The following WNK3 variants were observed in gnomAD, a reference collection of about 807,000 sequenced individuals.
WNK3 encodes the protein serine/threonine-protein kinase WNK3.
In WNK3, 18 loss-of-function variants were observed where a neutral mutation model predicts 116.7. The observed-to-expected ratio is 0.15, with a 90% CI of 0.11 to 0.23. The LOEUF (loss-of-function observed/expected upper bound fraction) is 0.23. WNK3 is among the 10% of genes least tolerant of loss of function. The pLI is 1.00. For missense variants in WNK3, 993 were observed against 1,323.8 expected, an observed-to-expected ratio of 0.75 and a Z score of 3.88; for synonymous variants, 404 against 469.4, an observed-to-expected ratio of 0.86 and a Z score of 1.80.
At chrX:54,285,434 G>C (rs1453414313) in intron 10 of WNK3, among the ~76,000 whole-genome samples, 1 of 111,678 alleles carries the variant, frequency 9.0e-6, no homozygotes, top group African/African-American at 3.3e-5. Flanking sequence ...AATCAACAGC[G>C]ATTGACTCTA....
intron 15 of WNK3, among the ~76,000 whole-genome samples, chrX:54,250,333 G>A (rs782516698): frequency 2.7e-5 from 3 of 111,316 alleles, no homozygotes; most frequent in Admixed American, 1.9e-4. Flanking sequence ...CTTTAGAGAA[G>A]GATTTTAGAT....
Position 54,241,085 on chromosome X carries a change from C to G in WNK3, c.3652-1986G>C, listed in dbSNP as rs148378773. Among the ~76,000 whole-genome samples the G allele has an allele frequency of 7.3e-3, 814 of 111,376 alleles. 10 individuals are homozygous for G. The highest frequency in any genetic ancestry group is 0.026 in the African/African-American group (797 of 30,682). On this transcript the variant is annotated intron_variant, in intron 17 of 23. Transcript: ENST00000354646. ...AAGCAAAGGGCAGCAGAGGCATGCGCCCCCAAATAAGAGCAGTAAGAGGAA... is the reference window on the plus strand; with the variant it reads ...AAGCAAAGGGCAGCAGAGGCATGCGGCCCCAAATAAGAGCAGTAAGAGGAA...
chrX:54,313,822 T>C (rs1557170161), intron 2 of WNK3, among the ~76,000 whole-genome samples: 1 of 111,907 alleles, frequency 8.9e-6, no homozygotes, highest in East Asian at 2.8e-4. Flanking sequence ...CTTCGTAAAC[T>C]ATGAAGTATA....
intron 22 of WNK3, among the ~76,000 whole-genome samples, chrX:54,216,060 T>TA (rs1266202265): frequency 1.8e-5 from 2 of 110,099 alleles, no homozygotes. Context: ...TGTGCTTTGT[T>TA]AAACAGATGC....
intron 1 of WNK3, among the ~76,000 whole-genome samples, chrX:54,350,222 A>G (rs1425791931): frequency 1.8e-5 from 2 of 111,220 alleles, no homozygotes; most frequent in Non-Finnish European, 3.8e-5. Flanking sequence ...ATCCTGGCTA[A>G]CATGGTGAAA....
rs1192553503 is a variant in WNK3, at chrX:54,206,032, C to A, written c.4871-3839G>T. On this transcript the variant is annotated intron_variant, in intron 22 of 23. Coordinates refer to ENST00000354646, the Ensembl canonical transcript of WNK3. ...CATTATTTCTATCTCTTATCCTATA[C>A]CTTGATTTCTCTCTTCAATCACAAT... is the stretch of plus-strand genomic sequence containing the variant. 2.7e-5 allele frequency among the ~76,000 whole-genome samples: 3 copies of A among 111,840 alleles called. No homozygotes were observed. In the Admixed American group the frequency reaches 2.9e-4, roughly 11 times the overall value.
chrX:54,281,823 T>C (rs2068519525), intron 10 of WNK3, among the ~76,000 whole-genome samples: 1 of 111,059 alleles, frequency 9.0e-6, no homozygotes, highest in Admixed American at 9.6e-5. Context: ...TACATGTATG[T>C]ATATGCACAC....
chrX:54,292,873 T>C lies in WNK3; in HGVS notation c.2037+15A>G. On this transcript the variant is annotated intron_variant, in intron 10 of 23. Transcript: ENST00000354646. ...TTTGTTTAAATGAATACAGAACCTC[T>C]AAAATGTGTCTTACCTTTATCTGTG... 5.0e-6 allele frequency: 6 copies of C among 1,203,709 alleles called. No homozygotes were observed. Among genetic ancestry groups the C allele is most frequent in the Non-Finnish European group, 6.7e-6 (6 of 892,266 alleles).
chrX:54,211,026 G>C (rs139568310), intron 22 of WNK3, among the ~76,000 whole-genome samples: 2,131 of 111,875 alleles, frequency 0.019, 52 homozygotes, highest in African/African-American at 0.066. Flanking sequence ...AGTAAGTTTG[G>C]CTGCTGTTGC....
chrX:54,233,278 A>T (rs1405696975), intron 20 of WNK3, among the ~76,000 whole-genome samples: 1 of 106,554 alleles, frequency 9.4e-6, no homozygotes, highest in East Asian at 2.9e-4. Context: ...AAAAAAAAAA[A>T]AATACAAAAA....
At chrX:54,217,547 A>G (rs1285877547) in intron 22 of WNK3, among the ~76,000 whole-genome samples, 4 of 108,599 alleles carry the variant, frequency 3.7e-5, no homozygotes, top group African/African-American at 1.3e-4. Flanking sequence ...GCTTCAACCC[A>G]GGAGGCGGAG....
At chrX:54,310,061 A>G (rs1325455482) in intron 3 of WNK3, among the ~76,000 whole-genome samples, 2 of 110,537 alleles carry the variant, frequency 1.8e-5, no homozygotes, top group Non-Finnish European at 3.8e-5. Flanking sequence ...AATATTTACA[A>G]GTCATTATTC....
chrX:54,322,292 A>G (rs1455230083), intron 2 of WNK3, among the ~76,000 whole-genome samples: 1 of 111,637 alleles, frequency 9.0e-6, no homozygotes, highest in Non-Finnish European at 1.9e-5. Context: ...TTACCTAACA[A>G]CTATATTTCT....
At chrX:54,329,039 C>G (rs1557173852) in intron 2 of WNK3, among the ~76,000 whole-genome samples, 1 of 111,924 alleles carries the variant, frequency 8.9e-6, no homozygotes, top group Non-Finnish European at 1.9e-5. Flanking sequence ...AGCCGGAAAT[C>G]AGAATACATA....
At chrX:54,347,809 A>T (rs782555361) in intron 1 of WNK3, among the ~76,000 whole-genome samples, 4 of 108,404 alleles carry the variant, frequency 3.7e-5, no homozygotes, top group African/African-American at 1.0e-4. Context: ...AATATCAAGT[A>T]AAGAGGTTTA....
At chrX:54,299,339 G>T (rs1229110534) in intron 6 of WNK3, among the ~76,000 whole-genome samples, 1 of 110,636 alleles carries the variant, frequency 9.0e-6, no homozygotes, top group African/African-American at 3.3e-5. Context: ...AACTAAGATG[G>T]TGTCATAAAT....
At chrX:54,291,228 G>A (rs961242093) in intron 10 of WNK3, among the ~76,000 whole-genome samples, 5 of 110,611 alleles carry the variant, frequency 4.5e-5, no homozygotes, top group Non-Finnish European at 9.5e-5. Context: ...CAGAAGAATC[G>A]TTTGAACCCG....
chrX:54,345,410 TA>T (rs2069409422), intron 1 of WNK3, among the ~76,000 whole-genome samples: 1 of 110,855 alleles, frequency 9.0e-6, no homozygotes, highest in South Asian at 3.8e-4. Flanking sequence ...CTAGAGTTAT[TA>T]AAACATACTC....
At chrX:54,273,126 T>C (rs932385666) in intron 10 of WNK3, among the ~76,000 whole-genome samples, 18 of 112,226 alleles carry the variant, frequency 1.6e-4, no homozygotes, top group African/African-American at 5.8e-4. Context: ...TTGTCAACGC[T>C]AGATATTTGC....
Sources: allele counts gnomAD v4.1 joint callset (sites outside exome capture counted in the v4.1 genomes callset), GRCh38; gene constraint gnomAD v4.1.1; transcripts MANE v1.5; gene names NCBI Gene and HGNC (gene_info 2026-07-23, HGNC 2026-07-21).